FGF13: variants seen among roughly 807,000 people sequenced by gnomAD.
The protein encoded by FGF13 is fibroblast growth factor homologous factor 2.
In FGF13, 2 loss-of-function variants were observed where a neutral mutation model predicts 19.5. The ratio of observed to expected loss-of-function variants is 0.10; its 90% CI spans 0.04 to 0.32. The LOEUF (loss-of-function observed/expected upper bound fraction) is 0.32. FGF13 is among the 10% of genes least tolerant of loss of function. The pLI is 1.00. For synonymous variants in FGF13, 72 were observed against 76.9 expected (o/e 0.94, Z 0.33); for missense variants, 113 against 192.7 (o/e 0.59, Z 2.45).
At chrX:138,979,386 A>G (rs903630227) in intron 1 of FGF13, among the ~76,000 whole-genome samples, 1 of 110,670 alleles carries the variant, frequency 9.0e-6, no homozygotes, top group Non-Finnish European at 1.9e-5. Context: ...GGAGGAGTAG[A>G]TAAGATCAGA....
intron 1 of FGF13, among the ~76,000 whole-genome samples, chrX:139,197,275 C>T (rs1284089050): frequency 8.9e-6 from 1 of 112,543 alleles, no homozygotes; most frequent in Non-Finnish European, 1.9e-5. Flanking sequence ...ATTTTCTCAT[C>T]TCTAAAGTCT....
intron 3 of FGF13, among the ~76,000 whole-genome samples, chrX:138,763,640 A>G (rs1264409950): frequency 8.9e-6 from 1 of 111,912 alleles, no homozygotes; most frequent in Non-Finnish European, 1.9e-5. Flanking sequence ...GAACCTCAAC[A>G]TGAGGGACTG....
At chrX:138,964,862 T>C (rs1045934361) in intron 1 of FGF13, among the ~76,000 whole-genome samples, 1 of 110,874 alleles carries the variant, frequency 9.0e-6, no homozygotes, top group Non-Finnish European at 1.9e-5. Context: ...TCATGAGAGA[T>C]CCACTCCCAT....
At chrX:139,177,926 G>A (rs770916840) in intron 1 of FGF13, among the ~76,000 whole-genome samples, 1 of 112,257 alleles carries the variant, frequency 8.9e-6, no homozygotes, top group African/African-American at 3.2e-5. Flanking sequence ...ATCTGGTCCG[G>A]AATGCACTGT....
chrX:139,090,474 C>T (rs1482395366), intron 1 of FGF13, among the ~76,000 whole-genome samples: 1 of 111,339 alleles, frequency 9.0e-6, no homozygotes, highest in Non-Finnish European at 1.9e-5. Flanking sequence ...GGGTACATTT[C>T]AGGTCTGTTA....
At chrX:138,837,160 C>A (rs1053972468) in intron 3 of FGF13, among the ~76,000 whole-genome samples, 9 of 112,617 alleles carry the variant, frequency 8.0e-5, no homozygotes, top group Non-Finnish European at 1.7e-4. Context: ...AGATTGGGGG[C>A]ATGCTTTAAA....
At chrX:139,020,839 T>C (rs1485741842) in intron 1 of FGF13, among the ~76,000 whole-genome samples, 1 of 110,966 alleles carries the variant, frequency 9.0e-6, no homozygotes, top group Non-Finnish European at 1.9e-5. Context: ...GGTGGAGAAG[T>C]AGGATGTATA....
At chrX:138,966,791 C>A (rs5931525) in intron 1 of FGF13, among the ~76,000 whole-genome samples, 1 of 109,715 alleles carries the variant, frequency 9.1e-6, no homozygotes, top group Admixed American at 9.7e-5. Context: ...GTGCTCCCAC[C>A]CAAATCTCAC....
intron 3 of FGF13, among the ~76,000 whole-genome samples, chrX:138,805,496 G>A (rs1212409715): frequency 1.8e-5 from 2 of 111,068 alleles, no homozygotes; most frequent in Non-Finnish European, 3.8e-5. Context: ...GATTGGACCT[G>A]TGCTCCAGCA....
At chrX:139,146,879 A>G (rs959640764) in intron 1 of FGF13, among the ~76,000 whole-genome samples, 4 of 109,407 alleles carry the variant, frequency 3.7e-5, no homozygotes, top group African/African-American at 1.3e-4. Flanking sequence ...ACAGAAAACT[A>G]AACACCGCAT....
At chrX:138,753,888 T>C (rs1288375138) in intron 3 of FGF13, among the ~76,000 whole-genome samples, 1 of 112,214 alleles carries the variant, frequency 8.9e-6, no homozygotes, top group Non-Finnish European at 1.9e-5. Context: ...ACTGAACTGG[T>C]TGTGTCTTAC....
intron 1 of FGF13, among the ~76,000 whole-genome samples, chrX:139,010,231 A>G (rs894800530): frequency 9.0e-6 from 1 of 111,564 alleles, no homozygotes; most frequent in African/African-American, 3.3e-5. Flanking sequence ...CACTGAGAGC[A>G]CTAGATAGGT....
chrX:138,645,332 G>T (rs1324941913), intron 3 of FGF13, among the ~76,000 whole-genome samples: 1 of 112,045 alleles, frequency 8.9e-6, no homozygotes, highest in Non-Finnish European at 1.9e-5. Context: ...TCACTGGGTA[G>T]ACAACAGCTG....
rs371461704 is a variant in FGF13 at position 139,067,132 on chromosome X, G to A, written c.-113+136284C>T. On this transcript the variant is annotated intron_variant, in intron 1 of 2. Coordinates refer to the FGF13 transcript ENST00000421460. ...AACTAGGTACTGATGGAACATAATT[G>A]CAAAATAATAAGAGCTATTTATGAC... Among the ~76,000 whole-genome samples the A allele has an allele frequency of 5.4e-5, 6 of 111,415 alleles. No individual in the cohort carries two copies. The East Asian group carries it at 8.4e-4, about 16-fold the overall frequency.
chrX:139,147,010 C>T (rs1186647651), intron 1 of FGF13, among the ~76,000 whole-genome samples: 1 of 109,204 alleles, frequency 9.2e-6, no homozygotes, highest in Admixed American at 9.8e-5. Context: ...GGAGATATAC[C>T]TAATGTAAAT....
intron 3 of FGF13, among the ~76,000 whole-genome samples, chrX:138,778,663 G>C (rs143177714): frequency 0.051 from 5,714 of 111,991 alleles, 358 homozygotes; most frequent in African/African-American, 0.18. Context: ...CTCGGAGGGT[G>C]CTAGGCCCAC....
In FGF13 at chrX:138,622,607, A is replaced by G. The variant is rs191272890; in HGVS notation, c.*10243T>C. 5 of 112,088 alleles carry G rather than the reference A, an allele frequency of 4.5e-5. No homozygotes were observed. Among genetic ancestry groups the G allele is most frequent in the Admixed American group, 2.8e-4 (3 of 10,556 alleles). 9.2% of individuals were successfully genotyped at this position (112,088 alleles called of 1,213,427 possible). Reference sequence around the variant, plus strand: ...GGTACTTGAAGTTCTGCTTAGAGCAATAAGTCGAGAAAAAGAAATAAAATG... The same window carrying G: ...GGTACTTGAAGTTCTGCTTAGAGCAGTAAGTCGAGAAAAAGAAATAAAATG... On this transcript the variant is annotated 3_prime_UTR_variant, in exon 5 of 5. Transcript: ENST00000315930.
intron 1 of FGF13, among the ~76,000 whole-genome samples, chrX:139,188,920 C>A: frequency 9.0e-6 from 1 of 111,519 alleles, no homozygotes; most frequent in Non-Finnish European, 1.9e-5. Flanking sequence ...AAGTACTATT[C>A]AGAAATTAAT....
chrX:139,134,776 G>C (rs1411044538), intron 1 of FGF13, among the ~76,000 whole-genome samples: 2 of 112,171 alleles, frequency 1.8e-5, no homozygotes, highest in African/African-American at 6.5e-5. Context: ...AGCCTCCCCA[G>C]TAGCTGGGAT....
Sources: allele counts gnomAD v4.1 joint callset (sites outside exome capture counted in the v4.1 genomes callset), GRCh38; gene constraint gnomAD v4.1.1; transcripts MANE v1.5; gene names NCBI Gene and HGNC (gene_info 2026-07-23, HGNC 2026-07-21).